The following TMCO5A variants were observed in gnomAD, a reference collection of about 807,000 sequenced individuals.
The protein encoded by TMCO5A is transmembrane and coiled-coil domains 5A, also known as transmembrane and coiled-coil domain-containing protein 5A.
TMCO5A carries 34 observed loss-of-function variants against 42.3 expected under a neutral mutation model. The ratio of observed to expected loss-of-function variants is 0.80; its 90% CI spans 0.61 to 1.07. The LOEUF (loss-of-function observed/expected upper bound fraction) is 1.07, where lower values mean the gene tolerates loss of function less well. Ranked by LOEUF, TMCO5A falls within the 50% of genes least tolerant of loss-of-function variation. TMCO5A has a pLI of 0.00. For missense variants in TMCO5A, 357 were observed against 327.9 expected, an observed-to-expected ratio of 1.09 and a Z score of -0.69; for synonymous variants, 131 against 115.6, an observed-to-expected ratio of 1.13 and a Z score of -0.86.
downstream of TMCO5A, among the ~76,000 whole-genome samples, chr15:37,956,163 C>A (rs1890284791): frequency 6.6e-6 from 1 of 152,046 alleles, no homozygotes; most frequent in Non-Finnish European, 1.5e-5. Flanking sequence ...AAAATCAACA[C>A]CCTAACATCA....
Position 37,936,841 on chromosome 15 carries a change from G to T in TMCO5A, c.141-6G>T, listed in dbSNP as rs768619479. The T allele has an allele frequency of 6.2e-7, 1 of 1,611,244 alleles. No individual in the cohort carries two copies. The highest frequency in any genetic ancestry group is 2.2e-5 in the East Asian group (1 of 44,712). On this transcript the variant is annotated splice_polypyrimidine_tract_variant and splice_region_variant and intron_variant, in intron 3 of 11. Coordinates refer to ENST00000319669, the MANE Select transcript of TMCO5A (RefSeq NM_152453.4). The stretch of plus-strand genomic sequence containing the variant: ...GGTCCTCATGGCATGTGCTTGTGTT[G>T]TCCAGGCTGGAAAGTGAGATCATTC...
the TMCO5A span, among the ~76,000 whole-genome samples, chr15:37,991,333 GA>G: frequency 3.9e-5 from 6 of 152,020 alleles, no homozygotes; most frequent in African/African-American, 1.4e-4. Context: ...CTTTTATCTG[GA>G]AACATCTTCA....
At chr15:37,943,320 T>G (rs12443282) in intron 9 of TMCO5A, 21 bp from the exon 10 acceptor site, 1 of 1,609,882 alleles carries the variant, frequency 6.2e-7, no homozygotes, top group African/African-American at 1.3e-5. Flanking sequence ...TCAATTTCTG[T>G]CCTGGCTGTT....
At chr15:37,994,742 A>G in the TMCO5A span, 3 of 152,204 alleles carry the variant, frequency 2.0e-5, no homozygotes, top group Non-Finnish European at 2.9e-5. Flanking sequence ...AGGTCTTTCA[A>G]TCTGAAACTC....
At chr15:38,004,817 G>A in the TMCO5A span, 1 of 152,202 alleles carries the variant, frequency 6.6e-6, no homozygotes, top group African/African-American at 2.4e-5. Flanking sequence ...TTCCAGTGAT[G>A]TGAAGTTAAA....
At chr15:38,022,480 G>T in the TMCO5A span, among the ~76,000 whole-genome samples, 7 of 152,126 alleles carry the variant, frequency 4.6e-5, 1 homozygote, top group Admixed American at 3.9e-4. Flanking sequence ...CTCAGTAGTT[G>T]CCAGGGGTTT....
chr15:37,936,619 C>A (rs1161392451), intron 3 of TMCO5A, among the ~76,000 whole-genome samples, 156 bp downstream of exon 3: 1 of 152,106 alleles, frequency 6.6e-6, no homozygotes, highest in African/African-American at 2.4e-5. Context: ...AACACTGAAG[C>A]ATAGCAAGTT....
chr15:38,003,171 G>T, the TMCO5A span, among the ~76,000 whole-genome samples: 7 of 151,734 alleles, frequency 4.6e-5, no homozygotes, highest in Non-Finnish European at 1.0e-4. Context: ...GAATTATCTG[G>T]ATTATCCAGC....
the TMCO5A span, among the ~76,000 whole-genome samples, chr15:38,037,004 A>T: frequency 1.9e-4 from 29 of 152,260 alleles, 1 homozygote; most frequent in South Asian, 5.6e-3. Flanking sequence ...AGGCATTTGA[A>T]CAGAGACACT....
chr15:38,029,956 T>C, the TMCO5A span, among the ~76,000 whole-genome samples: 1 of 152,168 alleles, frequency 6.6e-6, no homozygotes, highest in Non-Finnish European at 1.5e-5. Context: ...AATACACTCT[T>C]CCTTTACCAC....
At chr15:37,986,380 GGTGTGTGTGTGTGTGTGT>G in the TMCO5A span, among the ~76,000 whole-genome samples, 19 of 139,210 alleles carry the variant, frequency 1.4e-4, no homozygotes, top group Admixed American at 1.0e-3. Context: ...GGTAAGGGAT[GGTGTGTGTGTGTGTGTGT>G]GTGTGTGTGT....
chr15:37,946,377 C>A (rs1289348090), intron 10 of TMCO5A, among the ~76,000 whole-genome samples: 2 of 151,522 alleles, frequency 1.3e-5, no homozygotes, highest in African/African-American at 4.9e-5. Flanking sequence ...ATTTTAAAAT[C>A]ATTTTTTCTA....
the TMCO5A span, among the ~76,000 whole-genome samples, chr15:38,025,596 T>C: frequency 5.3e-5 from 8 of 152,150 alleles, no homozygotes. Context: ...TCAGATAAAA[T>C]ACATGTTTTT....
chr15:37,958,472 C>T (rs1374540258), intron 11 of TMCO5A, among the ~76,000 whole-genome samples: 1 of 152,058 alleles, frequency 6.6e-6, no homozygotes, highest in African/African-American at 2.4e-5. Context: ...ATTTATGCAG[C>T]CAACAAACAT....
chr15:37,961,280 C>G (rs376250126), intron 11 of TMCO5A, among the ~76,000 whole-genome samples: 29 of 152,078 alleles, frequency 1.9e-4, no homozygotes, highest in Admixed American at 1.8e-3. Context: ...TATCCCAGCA[C>G]TATTTGTTGA....
At chr15:37,990,681 C>G in the TMCO5A span, among the ~76,000 whole-genome samples, 1 of 151,912 alleles carries the variant, frequency 6.6e-6, no homozygotes, top group East Asian at 1.9e-4. Flanking sequence ...TTCTATATAC[C>G]TTTTATCTTT....
the TMCO5A span, among the ~76,000 whole-genome samples, chr15:38,034,157 C>T: frequency 1.1e-3 from 171 of 152,226 alleles, no homozygotes; most frequent in African/African-American, 3.7e-3. Flanking sequence ...GCAAAAAGGG[C>T]CTGTCTAGCT....
the TMCO5A span, among the ~76,000 whole-genome samples, chr15:37,984,394 G>C: frequency 6.6e-6 from 1 of 151,986 alleles, no homozygotes; most frequent in Admixed American, 6.6e-5. Context: ...AATGGAGAAG[G>C]GACTTTCAGA....
chr15:38,032,005 G>T, the TMCO5A span, among the ~76,000 whole-genome samples: 1 of 151,780 alleles, frequency 6.6e-6, no homozygotes, highest in Non-Finnish European at 1.5e-5. Context: ...GCCCAGGCTG[G>T]AGTGCAATGG....
Sources: gnomAD v4.1 joint callset for allele counts (sites outside exome capture counted in the v4.1 genomes callset) on GRCh38, gnomAD v4.1.1 for gene constraint, MANE v1.5 for transcripts, NCBI Gene and HGNC (gene_info 2026-07-23, HGNC 2026-07-21) for gene names.